The following PCDHGB4 variants were observed in gnomAD, a reference collection of about 807,000 sequenced individuals.
PCDHGB4 encodes the protein protocadherin gamma subfamily B, 4, also known as protocadherin gamma-B4.
Under a neutral mutation model 60.5 loss-of-function variants are expected in PCDHGB4, and 38 were observed. The observed-to-expected ratio is 0.63, with a 90% confidence interval of 0.48 to 0.82. PCDHGB4 has a LOEUF of 0.82. PCDHGB4 is among the 40% of genes least tolerant of loss of function. The pLI is 0.00. For synonymous variants in PCDHGB4, 456 were observed against 509.7 expected, an observed-to-expected ratio of 0.89 and a Z score of 1.42; for missense variants, 1,109 against 1,209.6, an observed-to-expected ratio of 0.92 and a Z score of 1.23.
At chr5:141,460,864 A>C (rs1220160866) in intron 1 of PCDHGB4, among the ~76,000 whole-genome samples, 1 of 151,800 alleles carries the variant, frequency 6.6e-6, no homozygotes, top group East Asian at 1.9e-4. Flanking sequence ...AAGTTGCTGC[A>C]AAGGACATTA....
chr5:141,417,641 C>G (rs1266850894), intron 1 of PCDHGB4: 12 of 779,426 alleles, frequency 1.5e-5, no homozygotes, highest in Non-Finnish European at 2.1e-5. Context: ...CCGGGGATCC[C>G]TCAGCCTCTA....
intron 1 of PCDHGB4, chr5:141,492,050 C>T (rs2099736541): frequency 4.0e-6 from 2 of 500,984 alleles, no homozygotes; most frequent in South Asian, 7.5e-5. Context: ...AGATCCACCC[C>T]TGCAGCCAGC....
intron 1 of PCDHGB4, chr5:141,404,856 G>C (rs1405688914): frequency 6.2e-7 from 1 of 1,613,890 alleles, no homozygotes; most frequent in Admixed American, 1.7e-5. Flanking sequence ...CTGCTAGATA[G>C]AGATGCGCTC....
chr5:141,410,579 G>A (rs760249748), intron 1 of PCDHGB4: 17 of 1,610,792 alleles, frequency 1.1e-5, no homozygotes, highest in Non-Finnish European at 1.4e-5. Context: ...TCCACCTCAT[G>A]GTGGGGAGGA....
intron 1 of PCDHGB4, chr5:141,419,098 G>A (rs993605209): frequency 8.7e-6 from 14 of 1,613,812 alleles, no homozygotes; most frequent in African/African-American, 2.7e-5. Context: ...TGGATCGGGA[G>A]CAGACCCCAG....
intron 1 of PCDHGB4, chr5:141,433,074 A>C: frequency 6.2e-7 from 1 of 1,614,218 alleles, no homozygotes; most frequent in East Asian, 2.2e-5. Flanking sequence ...ATCTTCCCCC[A>C]GCCCAACTAT....
rs778851755 is a variant in PCDHGB4, at chr5:141,477,795, G to A, written c.2398-17012G>A. ...AGCGTGAACATATTTGTCACTGATC[G>A]CAATGACAATGCCCCCCAGGTCCTA... On this transcript the variant is annotated intron_variant, in intron 1 of 3. Coordinates refer to ENST00000519479, the MANE Select transcript of PCDHGB4 (RefSeq NM_003736.4). This position sits in a 1 kb window ranked among gnomAD's most constrained non-coding sequence, Gnocchi z 4.9. The A allele has an allele frequency of 3.1e-6, 5 of 1,613,946 alleles. No individual in the cohort carries two copies. In the African/African-American group the frequency reaches 6.7e-5, roughly 22 times the overall value.
At chr5:141,444,255 T>G (rs764607115) in intron 1 of PCDHGB4, among the ~76,000 whole-genome samples, 8 of 130,834 alleles carry the variant, frequency 6.1e-5, no homozygotes, top group Non-Finnish European at 1.2e-4. Context: ...CACTGCAACC[T>G]CCGCCTCCCA....
At position 141,489,720 on chromosome 5, in the gene PCDHGB4, G is replaced by T. The variant is rs560729125; in HGVS notation, c.2398-5087G>T. 1.9e-6 allele frequency: 3 copies of T among 1,614,200 alleles called. No individual in the cohort carries two copies. Among genetic ancestry groups the T allele is most frequent in the Middle Eastern group, 1.6e-4 (1 of 6,062 alleles). ...TCCCACTGGACAGTGCCCAGGATCC[G>T]GATGTGGGCACCAATACTGTGAGCT... On this transcript the variant is annotated intron_variant, in intron 1 of 3. Transcript: ENST00000519479. This position sits in a 1 kb window ranked among gnomAD's most constrained non-coding sequence, Gnocchi z 4.5.
At chr5:141,478,412 TC>T in intron 1 of PCDHGB4, 2 of 1,611,958 alleles carry the variant, frequency 1.2e-6, no homozygotes, top group Non-Finnish European at 1.7e-6. Flanking sequence ...CACCACGGAC[TC>T]CCGCCGCAGC....
At chr5:141,463,338 G>A (rs1005543705) in intron 1 of PCDHGB4, among the ~76,000 whole-genome samples, 2 of 150,742 alleles carry the variant, frequency 1.3e-5, no homozygotes, top group African/African-American at 2.4e-5. Flanking sequence ...CAAAACCATG[G>A]TGTTATTCTT....
intron 1 of PCDHGB4, chr5:141,430,769 G>T: frequency 6.6e-7 from 1 of 1,508,212 alleles, no homozygotes; most frequent in Non-Finnish European, 8.9e-7. Context: ...AATGATTCCT[G>T]CGCGACTGCA....
intron 1 of PCDHGB4, 86 bp downstream of exon 1, chr5:141,390,367 T>C (rs2092130153): frequency 6.6e-7 from 1 of 1,518,766 alleles, no homozygotes; most frequent in African/African-American, 1.4e-5. Flanking sequence ...TGCAGGAAAA[T>C]ATATAATTTT....
rs767400679 is a variant in PCDHGB4, at chr5:141,476,863, C to T, written c.2398-17944C>T. 2.2e-5 allele frequency: 35 copies of T among 1,613,740 alleles called. No individual in the cohort carries two copies. Among genetic ancestry groups the T allele is most frequent in the Non-Finnish European group, 2.8e-5 (33 of 1,180,062 alleles). On this transcript the variant is annotated intron_variant, in intron 1 of 3. Coordinates refer to ENST00000519479, the MANE Select transcript of PCDHGB4 (RefSeq NM_003736.4). The surrounding 1 kb of genome is among the most constrained non-coding windows in gnomAD (Gnocchi z 7.6). ...CGCCTGTCTTCAACCAGTCCTTGTA[C>T]CGGGCGCGCGTCCTGGAGGATGCAC...
Position 141,511,002 on chromosome 5 carries a change from C to A in PCDHGB4, c.2601C>A (p.Ser867Arg), listed in dbSNP as rs143630962. The change falls in exon 4 of 4, where the codon AGC becomes AGA. Residue 867 changes from serine to arginine, a missense_variant. Physicochemically the swap from Ser to Arg is moderately radical, Grantham distance 110. Transcript: ENST00000519479. Reference protein sequence around the residue: ...LGGGAGTMGLSARYGPQFTLQ... With the variant: ...LGGGAGTMGLRARYGPQFTLQ... ...GGGGTGCCGGCACCATGGGATTGAG[C>A]GCCCGCTACGGACCCCAGTTCACCC... The A allele has an allele frequency of 8.7e-6, 14 of 1,614,140 alleles. No homozygotes were observed. The highest frequency in any genetic ancestry group is 1.2e-5 in the Non-Finnish European group (14 of 1,180,018).
At position 141,421,474 on chromosome 5, in the gene PCDHGB4, G is replaced by C. The variant is rs1320526226; in HGVS notation, c.2397+31193G>C. 4 of 1,614,132 alleles carry C rather than the reference G, an allele frequency of 2.5e-6. No homozygotes were observed. The African/African-American group carries it at 5.3e-5, about 21-fold the overall frequency. On this transcript the variant is annotated intron_variant, in intron 1 of 3. Coordinates refer to ENST00000519479, the MANE Select transcript of PCDHGB4 (RefSeq NM_003736.4). ...GCTTTTCGCTGTGAATCCGCGAAGCGGCAGCTTGATCACGGCAGGCAGGAT... is the reference window on the plus strand; with the variant it reads ...GCTTTTCGCTGTGAATCCGCGAAGCCGCAGCTTGATCACGGCAGGCAGGAT...
intron 3 of PCDHGB4, among the ~76,000 whole-genome samples, chr5:141,505,793 GGACTTGGATC>G (rs2099848390): frequency 6.6e-6 from 1 of 152,142 alleles, no homozygotes; most frequent in Non-Finnish European, 1.5e-5. Flanking sequence ...ACTATCCTTG[GGACTTGGATC>G]GACTTGCTCA....
At chr5:141,510,754 C>G (rs1407911674) in intron 3 of PCDHGB4, among the ~76,000 whole-genome samples, 193 bp from the exon 4 acceptor site, 3 of 152,168 alleles carry the variant, frequency 2.0e-5, no homozygotes, top group African/African-American at 7.2e-5. Flanking sequence ...GACTTTCTCA[C>G]TCCAGAGCCT....
chr5:141,511,115 A>G lies in PCDHGB4; in HGVS notation c.2714A>G (p.Lys905Arg). 6.2e-7 allele frequency: 1 copy of G among 1,614,214 alleles called. No individual in the cohort carries two copies. Among genetic ancestry groups the G allele is most frequent in the Non-Finnish European group, 8.5e-7 (1 of 1,180,006 alleles). ...AACGCAGCTGGCAAGCGGGATGGCA[A>G]GGCCCCAGCAGGTGGCAATGGCAAC... Reference protein sequence around the residue: ...LTNAAGKRDGKAPAGGNGNKK... With the variant: ...LTNAAGKRDGRAPAGGNGNKK... Residue 905 changes from lysine (K) to arginine (R), a missense_variant, in exon 4 of 4, where the codon AAG becomes AGG. Coordinates refer to ENST00000519479, the MANE Select transcript of PCDHGB4 (RefSeq NM_003736.4).
Sources: gnomAD v4.1 joint callset for allele counts (sites outside exome capture counted in the v4.1 genomes callset) on GRCh38, gnomAD v4.1.1 for gene constraint, Gnocchi (gnomAD v3.1) non-coding constraint, MANE v1.5 for transcripts, NCBI Gene and HGNC (gene_info 2026-07-23, HGNC 2026-07-21) for gene names.